Variants in AGMO observed in about 807,000 individuals in gnomAD.
AGMO encodes glyceryl-ether monooxygenase.
AGMO carries 75 observed loss-of-function variants against 60.2 expected under a neutral mutation model. The observed-to-expected ratio is 1.25, with a 90% CI of 1.03 to 1.51. The LOEUF (loss-of-function observed/expected upper bound fraction) is 1.51. Among genes scored for constraint, AGMO ranks in the 40% most tolerant of loss-of-function variants. The pLI is 0.00. For missense variants in AGMO, 763 were observed against 525.5 expected, an observed-to-expected ratio of 1.45 and a Z score of -4.42; for synonymous variants, 261 against 177.1, an observed-to-expected ratio of 1.47 and a Z score of -3.76.
chr7:15,555,373 G>A (rs1409433600), intron 2 of AGMO, among the ~76,000 whole-genome samples: 2 of 148,906 alleles, frequency 1.3e-5, no homozygotes, highest in African/African-American at 5.0e-5. Context: ...ATTTTTCTGG[G>A]AAATTTTGTT....
intron 3 of AGMO, among the ~76,000 whole-genome samples, chr7:15,535,487 T>G (rs1250843772): frequency 6.6e-6 from 1 of 151,968 alleles, no homozygotes; most frequent in Non-Finnish European, 1.5e-5. Context: ...CATCTCAAAC[T>G]AATTACTTTG....
At chr7:15,348,411 G>C (rs938344500) in intron 12 of AGMO, among the ~76,000 whole-genome samples, 14 of 151,964 alleles carry the variant, frequency 9.2e-5, no homozygotes, top group Admixed American at 9.2e-4. Context: ...AAAGAAGCCA[G>C]AAAAATGCTA....
intron 12 of AGMO, among the ~76,000 whole-genome samples, chr7:15,234,973 TCTC>T (rs1353651420): frequency 6.6e-6 from 1 of 152,082 alleles, no homozygotes; most frequent in African/African-American, 2.4e-5. Flanking sequence ...TTCCTAATCT[TCTC>T]CTACCCTATG....
the AGMO span, among the ~76,000 whole-genome samples, chr7:15,127,197 C>A: frequency 6.6e-6 from 1 of 152,066 alleles, no homozygotes. Context: ...TTCTCAGGAC[C>A]TCCTGAGGGC....
chr7:15,327,731 GATTT>G (rs1358083635), intron 12 of AGMO, among the ~76,000 whole-genome samples: 194 of 133,138 alleles, frequency 1.5e-3, no homozygotes, highest in African/African-American at 4.4e-3. Flanking sequence ...ATGATAAACT[GATTT>G]CTTTCTTTTT....
chr7:15,413,181 T>C (rs2128492866), intron 5 of AGMO, among the ~76,000 whole-genome samples: 1 of 152,326 alleles, frequency 6.6e-6, no homozygotes, highest in Non-Finnish European at 1.5e-5. Flanking sequence ...AACATAAATG[T>C]ATAATATTTA....
At chr7:15,335,826 A>G (rs143842785) in intron 12 of AGMO, among the ~76,000 whole-genome samples, 59 of 152,324 alleles carry the variant, frequency 3.9e-4, no homozygotes, top group Middle Eastern at 3.4e-3. Context: ...AGCCATTCAC[A>G]ATATTCGGAT....
In AGMO at chr7:15,385,437, A is replaced by G. The variant is rs1303018573; in HGVS notation, c.1074+9T>C. ...TGTTCTCACACTACTTAAAATGGAT[A>G]TTACTTACAGCTGTATCTGCAAAGG... On this transcript the variant is annotated intron_variant, in intron 10 of 12. Transcript: ENST00000342526. 1 of 1,507,838 alleles carries G rather than the reference A, an allele frequency of 6.6e-7. No individual in the cohort carries two copies. The highest frequency in any genetic ancestry group is 9.2e-7 in the Non-Finnish European group (1 of 1,087,552). The allele number at this position is 1,507,838 out of a possible 1,614,324, so 93.4% of individuals were successfully genotyped here. A position where few individuals can be genotyped will look rare whatever the true frequency, so the allele number is the denominator to read the frequency against.
intron 12 of AGMO, among the ~76,000 whole-genome samples, chr7:15,276,637 T>C (rs1420734690): frequency 6.6e-6 from 1 of 152,146 alleles, no homozygotes; most frequent in Non-Finnish European, 1.5e-5. Context: ...GTTTTTCACA[T>C]TTTTTTACTT....
intron 3 of AGMO, among the ~76,000 whole-genome samples, chr7:15,445,885 G>A (rs1407775036): frequency 1.3e-5 from 2 of 152,042 alleles, no homozygotes; most frequent in African/African-American, 2.4e-5. Flanking sequence ...CTCCAAAGAT[G>A]TGTGGTCCTA....
intron 12 of AGMO, among the ~76,000 whole-genome samples, chr7:15,244,774 C>A (rs950363211): frequency 1.9e-4 from 29 of 152,088 alleles, no homozygotes; most frequent in Non-Finnish European, 4.1e-4. Context: ...GCCTCAGCCT[C>A]CCGAGTGGCT....
intron 3 of AGMO, among the ~76,000 whole-genome samples, chr7:15,450,939 G>T (rs927301257): frequency 3.3e-5 from 5 of 151,974 alleles, no homozygotes. Context: ...TAGAACTAAA[G>T]CAAAGAAAAA....
At chr7:15,290,442 C>T (rs765622826) in intron 12 of AGMO, among the ~76,000 whole-genome samples, 14 of 152,090 alleles carry the variant, frequency 9.2e-5, no homozygotes, top group Admixed American at 1.3e-4. Flanking sequence ...TAAAAATCTA[C>T]GAAATTTTCT....
At chr7:15,269,076 C>T (rs1423634033) in intron 12 of AGMO, among the ~76,000 whole-genome samples, 1 of 152,058 alleles carries the variant, frequency 6.6e-6, no homozygotes, top group Non-Finnish European at 1.5e-5. Flanking sequence ...GGGCCATACA[C>T]GTTTTGTTCC....
At chr7:15,275,185 A>C (rs959838781) in intron 12 of AGMO, among the ~76,000 whole-genome samples, 1 of 152,108 alleles carries the variant, frequency 6.6e-6, no homozygotes, top group Non-Finnish European at 1.5e-5. Context: ...GGCATTTAAC[A>C]CAATAACCTT....
chr7:15,321,067 T>C (rs1277165354), intron 12 of AGMO, among the ~76,000 whole-genome samples: 1 of 152,194 alleles, frequency 6.6e-6, no homozygotes, highest in Non-Finnish European at 1.5e-5. Flanking sequence ...TACAATATTT[T>C]TGTTTGTTTT....
At chr7:15,184,580 GGAAGGTAGTAAGGAAGGGAAGGAAA>G in the AGMO span, among the ~76,000 whole-genome samples, 1 of 138,834 alleles carries the variant, frequency 7.2e-6, no homozygotes, top group Non-Finnish European at 1.5e-5. Flanking sequence ...AGGGAAGGAA[GGAAGGTAGTAAGGAAGGGAAGGAAA>G]GAAGGAAGAG....
intron 12 of AGMO, among the ~76,000 whole-genome samples, chr7:15,357,191 G>C (rs35981957): frequency 7.3e-5 from 1 of 13,792 alleles, no homozygotes; most frequent in Non-Finnish European, 1.2e-4. Flanking sequence ...ATGAATATTC[G>C]TGTGTGTGTG....
the AGMO span, among the ~76,000 whole-genome samples, chr7:15,156,521 A>C: frequency 1.3e-5 from 2 of 151,866 alleles, no homozygotes; most frequent in African/African-American, 2.4e-5. Context: ...GTCTCTGCCA[A>C]CTCCCCAGAC....
Sources: allele counts gnomAD v4.1 joint callset (sites outside exome capture counted in the v4.1 genomes callset), GRCh38; gene constraint gnomAD v4.1.1; transcripts MANE v1.5; gene names NCBI Gene and HGNC (gene_info 2026-07-23, HGNC 2026-07-21).